Variants in LPP observed in about 807,000 individuals in gnomAD.
The protein encoded by LPP is lipoma-preferred partner.
Under a neutral mutation model 60.4 loss-of-function variants are expected in LPP, and 38 were observed. The observed-to-expected ratio is 0.63, with a 90% CI of 0.49 to 0.83. LPP has a LOEUF of 0.83. Among genes scored for constraint, LPP ranks in the 40% least tolerant of loss-of-function variants. The probability of loss-of-function intolerance (pLI) is 0.00; values close to 1 mark genes in which losing one functional copy is unlikely to be tolerated. For synonymous variants in LPP, 328 were observed against 290.8 expected, an observed-to-expected ratio of 1.13 and a Z score of -1.30; for missense variants, 902 against 783.6, an observed-to-expected ratio of 1.15 and a Z score of -1.80.
intron 2 of LPP, among the ~76,000 whole-genome samples, chr3:188,239,182 G>T (rs1722956616): frequency 6.6e-6 from 1 of 152,198 alleles, no homozygotes; most frequent in South Asian, 2.1e-4. Context: ...CCGTTTCTCT[G>T]CCCCTGCGGC....
chr3:188,650,927 A>G (rs1043803744), intron 7 of LPP, among the ~76,000 whole-genome samples: 2 of 152,140 alleles, frequency 1.3e-5, no homozygotes, highest in East Asian at 3.9e-4. Flanking sequence ...AAACCAAATG[A>G]CCCACAAACT....
At chr3:188,676,460 C>T (rs138480168) in intron 7 of LPP, among the ~76,000 whole-genome samples, 3 of 149,378 alleles carry the variant, frequency 2.0e-5, no homozygotes, top group Admixed American at 6.7e-5. Context: ...CTCCAAAAAA[C>T]GTGTATTTTC....
chr3:188,563,719 T>G (rs978317445), intron 6 of LPP, among the ~76,000 whole-genome samples: 4 of 52,802 alleles, frequency 7.6e-5, no homozygotes, highest in Admixed American at 2.0e-4. Flanking sequence ...ATTGCTTGTG[T>G]TTTTTTTTGT....
chr3:188,346,020 G>A (rs1049386924), intron 3 of LPP, among the ~76,000 whole-genome samples: 1 of 152,078 alleles, frequency 6.6e-6, no homozygotes. Flanking sequence ...GGAACCCTCT[G>A]ATTTTCATGA....
chr3:188,518,529 G>C (rs549652144), intron 5 of LPP, among the ~76,000 whole-genome samples: 1 of 152,236 alleles, frequency 6.6e-6, no homozygotes, highest in African/African-American at 2.4e-5. Flanking sequence ...TTCCATATGG[G>C]ATCAGTGGTA....
intron 6 of LPP, among the ~76,000 whole-genome samples, chr3:188,536,361 A>T (rs1471789284): frequency 1.3e-5 from 2 of 152,146 alleles, no homozygotes; most frequent in African/African-American, 2.4e-5. Flanking sequence ...CTGCTTCATT[A>T]AAAGAAGCCT....
intron 8 of LPP, among the ~76,000 whole-genome samples, chr3:188,716,811 A>G (rs1194232035): frequency 1.3e-5 from 2 of 152,208 alleles, no homozygotes; most frequent in Non-Finnish European, 2.9e-5. Flanking sequence ...TGATTAGATT[A>G]TACTTCATAA....
chr3:188,782,486 G>C (rs568316957), intron 9 of LPP, among the ~76,000 whole-genome samples: 84 of 152,262 alleles, frequency 5.5e-4, no homozygotes, highest in Non-Finnish European at 8.7e-4. Context: ...TTGAATTAAT[G>C]GGAATATTAA....
intron 7 of LPP, among the ~76,000 whole-genome samples, chr3:188,664,842 T>C (rs918146628): frequency 1.2e-4 from 19 of 152,154 alleles, no homozygotes; most frequent in Admixed American, 3.9e-4. Context: ...GGGAGTAACT[T>C]AGAGTGTAGC....
intron 5 of LPP, among the ~76,000 whole-genome samples, chr3:188,491,536 T>C (rs898760775): frequency 2.0e-5 from 3 of 152,176 alleles, no homozygotes; most frequent in South Asian, 4.1e-4. Context: ...TGTAGCTTGT[T>C]TGTGACCCTG....
rs567653759 is a variant in LPP, at chr3:188,879,657, AC to A, written c.*5182del. 374 of 184,168 alleles carry A rather than the reference AC, an allele frequency of 2.0e-3. 2 individuals carry two copies. The highest frequency in any genetic ancestry group is 0.01 in the Middle Eastern group (5 of 500). The allele number at this position is 184,168 out of a possible 1,614,324, so 11.4% of individuals were successfully genotyped here. On this transcript the variant is annotated 3_prime_UTR_variant, in exon 12 of 12. Coordinates refer to ENST00000617246, the MANE Select transcript of LPP (RefSeq NM_001375462.1). ...TTTTTTTTAAGTCTGAAGCAATGTAACCCCAAAAAATTATAATTTTAATGAT... is the reference window on the plus strand; with the variant it reads ...TTTTTTTTAAGTCTGAAGCAATGTAACCCAAAAAATTATAATTTTAATGAT...
At chr3:188,466,804 A>AATAT (rs375483583) in intron 4 of LPP, among the ~76,000 whole-genome samples, 5,975 of 72,684 alleles carry the variant, frequency 0.082, 1,198 homozygotes, top group Middle Eastern at 0.12. Flanking sequence ...GTCATCTCAG[A>AATAT]ACATATATAT....
chr3:188,444,936 G>T (rs922240660), intron 4 of LPP, among the ~76,000 whole-genome samples: 1 of 152,178 alleles, frequency 6.6e-6, no homozygotes, highest in Non-Finnish European at 1.5e-5. Context: ...ACCACAATGA[G>T]ATACCATCTC....
chr3:188,747,735 T>G (rs1206376174), intron 8 of LPP, among the ~76,000 whole-genome samples: 1 of 152,206 alleles, frequency 6.6e-6, no homozygotes, highest in Non-Finnish European at 1.5e-5. Flanking sequence ...CATATGTGTA[T>G]TAATAACTGT....
intron 2 of LPP, among the ~76,000 whole-genome samples, chr3:188,243,546 C>T (rs1233635227): frequency 2.6e-5 from 4 of 152,272 alleles, no homozygotes; most frequent in Non-Finnish European, 4.4e-5. Context: ...TCTTTCTTTA[C>T]GTTCTAAAAT....
chr3:188,511,053 C>T (rs1046506349), intron 5 of LPP, among the ~76,000 whole-genome samples: 1 of 146,988 alleles, frequency 6.8e-6, no homozygotes, highest in Admixed American at 6.7e-5. Flanking sequence ...TTCCTTCTCC[C>T]TCTCCCTCCT....
At chr3:188,841,651 C>T (rs976614340) in intron 9 of LPP, among the ~76,000 whole-genome samples, 5 of 152,094 alleles carry the variant, frequency 3.3e-5, no homozygotes, top group East Asian at 1.9e-4. Context: ...TGGGCCACTG[C>T]GCCCAGCCCT....
intron 6 of LPP, chr3:188,562,308 T>G (rs1830919165): frequency 6.6e-6 from 1 of 152,066 alleles, no homozygotes; most frequent in Admixed American, 6.6e-5. Flanking sequence ...CGTTGTTGGT[T>G]GTGACTTCCT....
chr3:188,340,186 T>C (rs868451708), intron 2 of LPP, among the ~76,000 whole-genome samples: 6 of 152,208 alleles, frequency 3.9e-5, no homozygotes, highest in South Asian at 2.1e-4. Context: ...ATCTGCTCCA[T>C]GTTAACCATG....
Sources: gnomAD v4.1 joint callset for allele counts (sites outside exome capture counted in the v4.1 genomes callset) on GRCh38, gnomAD v4.1.1 for gene constraint, MANE v1.5 for transcripts, NCBI Gene and HGNC (gene_info 2026-07-23, HGNC 2026-07-21) for gene names.